The following STK32A variants were observed in gnomAD, a reference collection of about 807,000 sequenced individuals.
The protein encoded by STK32A is serine/threonine-protein kinase 32A.
Under a neutral mutation model 53.2 loss-of-function variants are expected in STK32A, and 41 were observed. The ratio of observed to expected loss-of-function variants is 0.77; its 90% CI spans 0.60 to 1.00. The LOEUF (loss-of-function observed/expected upper bound fraction) is 1.00. STK32A is among the 50% of genes least tolerant of loss of function. The pLI is 0.00. For missense variants in STK32A, 458 were observed against 485.8 expected (o/e 0.94, Z 0.54); for synonymous variants, 166 against 162.8 (o/e 1.02, Z -0.15).
At chr5:147,312,101 C>CATTT (rs1554104044) in intron 4 of STK32A, among the ~76,000 whole-genome samples, 5 of 151,982 alleles carry the variant, frequency 3.3e-5, no homozygotes, top group African/African-American at 4.8e-5. Context: ...TTTTAATGAA[C>CATTT]ATTTATTTAT....
intron 2 of STK32A, among the ~76,000 whole-genome samples, chr5:147,265,036 TC>T (rs1419105344): frequency 6.6e-6 from 1 of 151,120 alleles, no homozygotes; most frequent in African/African-American, 2.4e-5. Context: ...GTTTTGTTTT[TC>T]TTCTTTATAC....
intron 7 of STK32A, among the ~76,000 whole-genome samples, chr5:147,360,035 A>C (rs1204511833): frequency 6.6e-6 from 1 of 152,144 alleles, no homozygotes; most frequent in East Asian, 1.9e-4. Flanking sequence ...CAACTAGGTC[A>C]ATTATTATGA....
At chr5:147,394,695 G>T in the STK32A span, among the ~76,000 whole-genome samples, 1 of 150,902 alleles carries the variant, frequency 6.6e-6, no homozygotes, top group Non-Finnish European at 1.5e-5. Flanking sequence ...AAAAAAAAAG[G>T]CAAAAACTTT....
In STK32A at chr5:147,370,311, C is replaced by T. The variant is rs748888074; in HGVS notation, c.661-343C>T. Among the ~76,000 whole-genome samples, 176 of 152,242 alleles carry T rather than the reference C, an allele frequency of 1.2e-3. 3 individuals carry two copies. In the Middle Eastern group the frequency reaches 0.017, roughly 15 times the overall value. On this transcript the variant is annotated intron_variant, in intron 8 of 12. Coordinates refer to ENST00000397936, the MANE Select transcript of STK32A (RefSeq NM_001112724.2). ...TTTATTGAGGACTTGTCCAGTATTT[C>T]GTGTTAATACTTATATAATACCTTA... is the stretch of plus-strand genomic sequence containing the variant.
chr5:147,350,109 CA>C (rs994061255), intron 6 of STK32A, among the ~76,000 whole-genome samples: 103 of 140,116 alleles, frequency 7.4e-4, no homozygotes, highest in Admixed American at 1.2e-3. Context: ...GACTCCACTT[CA>C]AAAAAAAAAA....
chr5:147,386,385 T>C lies in STK32A; in HGVS notation c.*2402T>C, dbSNP rs564426653. ...TTTTGATTCAAGCCTTTATGTGCTG[T>C]GGACTCACCTCCCTAAGTAACCAGG... On this transcript the variant is annotated 3_prime_UTR_variant, in exon 13 of 13. Coordinates refer to ENST00000397936, the MANE Select transcript of STK32A (RefSeq NM_001112724.2). 3 of 152,348 alleles carry C rather than the reference T, an allele frequency of 2.0e-5. No homozygotes were observed. In the East Asian group the frequency reaches 5.8e-4, roughly 29 times the overall value. The allele number at this position is 152,348 out of a possible 1,614,324, so 9.4% of individuals were successfully genotyped here. A position where few individuals can be genotyped will look rare whatever the true frequency, so the allele number is the denominator to read the frequency against.
intron 4 of STK32A, among the ~76,000 whole-genome samples, chr5:147,315,789 G>C (rs1332712863): frequency 2.6e-5 from 4 of 152,108 alleles, no homozygotes; most frequent in Non-Finnish European, 5.9e-5. Context: ...GAAAAGGAGG[G>C]ATTACAGAAG....
the STK32A span, among the ~76,000 whole-genome samples, chr5:147,396,626 G>T: frequency 6.6e-6 from 1 of 152,260 alleles, no homozygotes; most frequent in Admixed American, 6.5e-5. Flanking sequence ...AGATGCTAAT[G>T]ATTCTAGTGA....
intron 8 of STK32A, among the ~76,000 whole-genome samples, chr5:147,367,471 C>T (rs189422902): frequency 3.9e-5 from 6 of 152,178 alleles, no homozygotes; most frequent in Admixed American, 2.0e-4. Context: ...GCTATTTCAC[C>T]TGGGTTTCAG....
chr5:147,289,306 G>A (rs1020406250), intron 4 of STK32A, among the ~76,000 whole-genome samples: 1 of 152,048 alleles, frequency 6.6e-6, no homozygotes, highest in Non-Finnish European at 1.5e-5. Flanking sequence ...AGCTTAAGAA[G>A]CATTGTATTA....
chr5:147,372,486 C>T (rs1400789360), intron 9 of STK32A, among the ~76,000 whole-genome samples: 1 of 151,870 alleles, frequency 6.6e-6, no homozygotes, highest in African/African-American at 2.4e-5. Context: ...AGTTCCAAGA[C>T]AGCCCTGCTT....
chr5:147,345,898 G>GA (rs1439104527), intron 6 of STK32A, among the ~76,000 whole-genome samples: 2 of 152,134 alleles, frequency 1.3e-5, no homozygotes, highest in African/African-American at 4.8e-5. Flanking sequence ...AACTCAACTT[G>GA]AAAATCAATT....
At position 147,386,666 on chromosome 5, in the gene STK32A, A is replaced by G. The variant is rs1757655209; in HGVS notation, c.*2683A>G. 1 of 152,214 alleles carries G rather than the reference A, an allele frequency of 6.6e-6. No homozygotes were observed. Among genetic ancestry groups the G allele is most frequent in the African/African-American group, 2.4e-5 (1 of 41,464 alleles). 9.4% of individuals were successfully genotyped at this position (152,214 alleles called of 1,614,324 possible). A position where few individuals can be genotyped will look rare whatever the true frequency, so the allele number is the denominator to read the frequency against. On this transcript the variant is annotated 3_prime_UTR_variant, in exon 13 of 13. Transcript: ENST00000397936. ...GAAGCACCTCTGTGGGCTTTTGGGA[A>G]CCATGGATGCACAGATGAGAGAGCA...
At chr5:147,347,809 C>A (rs1305145415) in intron 6 of STK32A, among the ~76,000 whole-genome samples, 1 of 152,172 alleles carries the variant, frequency 6.6e-6, no homozygotes, top group Non-Finnish European at 1.5e-5. Flanking sequence ...AGATAGGTCA[C>A]CATGGTAAGG....
At chr5:147,264,025 G>C (rs1336493531) in intron 2 of STK32A, among the ~76,000 whole-genome samples, 1 of 152,184 alleles carries the variant, frequency 6.6e-6, no homozygotes, top group Non-Finnish European at 1.5e-5. Context: ...TAGAAGATAA[G>C]AGCAAAGCCT....
intron 2 of STK32A, among the ~76,000 whole-genome samples, chr5:147,263,906 T>C (rs1193940748): frequency 6.6e-6 from 1 of 152,124 alleles, no homozygotes; most frequent in East Asian, 1.9e-4. Flanking sequence ...TATCAAAACA[T>C]TCAACACAAG....
chr5:147,236,160 G>A (rs1753307532), intron 1 of STK32A, among the ~76,000 whole-genome samples: 1 of 152,136 alleles, frequency 6.6e-6, no homozygotes, highest in Admixed American at 6.5e-5. Flanking sequence ...GGTTAGAGAA[G>A]CTTACCTGTT....
the STK32A span, among the ~76,000 whole-genome samples, chr5:147,399,941 T>C: frequency 1.3e-5 from 2 of 152,188 alleles, no homozygotes; most frequent in African/African-American, 4.8e-5. Flanking sequence ...ACGGAAAGAA[T>C]TGAGTTTAAA....
At chr5:147,268,786 G>C (rs1322395690) in intron 2 of STK32A, among the ~76,000 whole-genome samples, 4 of 152,132 alleles carry the variant, frequency 2.6e-5, no homozygotes, top group Non-Finnish European at 4.4e-5. Flanking sequence ...CTAGGGATGT[G>C]AGAGATGATG....
Sources: gnomAD v4.1 joint callset for allele counts (sites outside exome capture counted in the v4.1 genomes callset) on GRCh38, gnomAD v4.1.1 for gene constraint, MANE v1.5 for transcripts, NCBI Gene and HGNC (gene_info 2026-07-23, HGNC 2026-07-21) for gene names.